GNL2: variants seen among roughly 807,000 people sequenced by gnomAD.
GNL2 encodes the protein G protein nucleolar 2, also known as nucleolar GTP-binding protein 2.
Under a neutral mutation model 92.3 loss-of-function variants are expected in GNL2, and 51 were observed. The observed-to-expected ratio is 0.55, with a 90% confidence interval of 0.44 to 0.70. The LOEUF (loss-of-function observed/expected upper bound fraction) is 0.70, where lower values mean the gene tolerates loss of function less well. Ranked by LOEUF, GNL2 falls within the 30% of genes least tolerant of loss-of-function variation. GNL2 has a pLI of 0.00. For synonymous variants in GNL2, 283 were observed against 300.6 expected (o/e 0.94, Z 0.61); for missense variants, 844 against 895.6 (o/e 0.94, Z 0.74).
In GNL2 at chr1:37,575,622, G is replaced by C. The variant is rs115369848; in HGVS notation, c.1116C>G (p.Ser372=). Residue 372 remains serine, a synonymous_variant, in exon 10 of 16, where the codon TCC becomes TCG. Coordinates refer to ENST00000373062, the MANE Select transcript of GNL2 (RefSeq NM_013285.3). The surrounding 1 kb of genome is among the most constrained non-coding windows in gnomAD (Gnocchi z 4.1). The part of the protein sequence containing the change: ...CPGVVYPSED[S]ETDIVLKGVV... The stretch of plus-strand genomic sequence containing the variant: ...CTCCTTTTAGCACAATGTCTGTCTC[G>C]GAGTCCTCAGAGGGGTAAACCACAC... 6.3e-7 allele frequency: 1 copy of C among 1,591,264 alleles called. No individual in the cohort carries two copies. The highest frequency in any genetic ancestry group is 1.1e-5 in the South Asian group (1 of 87,450).
chr1:37,581,586 CAAAGGCTGAGCAAGAAAACACTT>C, intron 8 of GNL2: 1 of 451,836 alleles, frequency 2.2e-6, no homozygotes, highest in South Asian at 1.6e-5. Context: ...CGGATGGGGG[CAAAGGCTGAGCAAGAAAACACTT>C]CAGAATCTCT....
rs760375299 is a variant in GNL2 at position 37,568,945 on chromosome 1, C to G, written c.1774G>C (p.Asp592His). 6.2e-7 allele frequency: 1 copy of G among 1,614,082 alleles called. No homozygotes were observed. Among genetic ancestry groups the G allele is most frequent in the Admixed American group, 1.7e-5 (1 of 60,014 alleles). Residue 592 changes from aspartate to histidine, a missense_variant, in exon 13 of 16, where the codon GAC (aspartate) becomes CAC (histidine). Asp to His is a moderately conservative substitution (Grantham distance 81). Coordinates refer to ENST00000373062, the MANE Select transcript of GNL2 (RefSeq NM_013285.3). ...SEPEEENVGNDTKAVIKALDE... is the reference protein window; with the variant it reads ...SEPEEENVGNHTKAVIKALDE... ...AGTGCTTTAATAACGGCTTTGGTGT[C>G]GTTTCCCACATTTTCCTCCTCAGGC...
intron 4 of GNL2, 82 bp from the exon 5 acceptor site, chr1:37,587,577 CT>C: frequency 1.2e-6 from 1 of 858,522 alleles, no homozygotes; most frequent in South Asian, 1.8e-5. Context: ...CTAGGAAAGA[CT>C]TTCTGATTTT....
intron 4 of GNL2, 27 bp downstream of exon 4, chr1:37,590,679 C>T: frequency 1.3e-6 from 2 of 1,596,964 alleles, no homozygotes; most frequent in Non-Finnish European, 1.7e-6. Context: ...CAGGAAATTC[C>T]ATCACCAGGG....
rs372355590 is a variant in GNL2, at chr1:37,567,847, CAGG to C, written c.1952-86_1952-84del. ...AACGGTGGGAACAAGCTTGATGTAT[CAGG>C]AGGAGGACACCCAATGTGGACAGAG... On this transcript the variant is annotated intron_variant, in intron 14 of 15. Transcript: ENST00000373062. The C allele has an allele frequency of 1.3e-5, 14 of 1,040,778 alleles. No individual in the cohort carries two copies. The African/African-American group carries it at 1.9e-4, about 14-fold the overall frequency. The allele number at this position is 1,040,778 out of a possible 1,614,324, so 64.5% of individuals were successfully genotyped here. A position where few individuals can be genotyped will look rare whatever the true frequency, so the allele number is the denominator to read the frequency against.
At chr1:37,574,186 C>T (rs994085903) in intron 12 of GNL2, among the ~76,000 whole-genome samples, 157 bp downstream of exon 12, 4 of 152,066 alleles carry the variant, frequency 2.6e-5, no homozygotes, top group Admixed American at 2.0e-4. Flanking sequence ...CCACCCATGC[C>T]CGGCCCCAAA....
At chr1:37,568,015 C>G (rs1643534607) in intron 14 of GNL2, 1 of 591,078 alleles carries the variant, frequency 1.7e-6, no homozygotes, top group Non-Finnish European at 3.0e-6. Flanking sequence ...CCCTCTTTGT[C>G]TGTGGACCCA....
intron 15 of GNL2, 144 bp downstream of exon 15, chr1:37,567,529 C>A: frequency 1.5e-6 from 1 of 666,864 alleles, no homozygotes. Context: ...TGGGCCAGAC[C>A]CGACCCTATT....
At chr1:37,573,623 GT>G (rs1557638225) in intron 12 of GNL2, among the ~76,000 whole-genome samples, 1 of 152,210 alleles carries the variant, frequency 6.6e-6, no homozygotes, top group African/African-American at 2.4e-5. Context: ...GCTAATAAAT[GT>G]TTGTTAAACA....
At position 37,585,031 on chromosome 1, in the gene GNL2, G is replaced by C. The variant is rs573539481; in HGVS notation, c.570-1098C>G. On this transcript the variant is annotated intron_variant, in intron 5 of 15. Coordinates refer to ENST00000373062, the MANE Select transcript of GNL2 (RefSeq NM_013285.3). The stretch of plus-strand genomic sequence containing the variant: ...CGGGAGGCAGAGATTGCAGTGAGCC[G>C]AGATCACATCAAATGGTTAGAAGAG... 4.6e-5 allele frequency among the ~76,000 whole-genome samples: 7 copies of C among 150,976 alleles called. No individual in the cohort carries two copies. In the South Asian group the frequency reaches 1.3e-3, roughly 27 times the overall value.
At chr1:37,585,712 G>A (rs773212815) in intron 5 of GNL2, among the ~76,000 whole-genome samples, 4 of 152,004 alleles carry the variant, frequency 2.6e-5, no homozygotes, top group Non-Finnish European at 4.4e-5. Context: ...TTTTTGCTTG[G>A]CCTCAAATGG....
At chr1:37,584,560 G>A (rs748930186) in intron 5 of GNL2, among the ~76,000 whole-genome samples, 1 of 151,606 alleles carries the variant, frequency 6.6e-6, no homozygotes, top group Non-Finnish European at 1.5e-5. Context: ...GACACAAAAG[G>A]ACAAATACTG....
intron 8 of GNL2, among the ~76,000 whole-genome samples, chr1:37,581,871 G>A (rs1643774313): frequency 6.6e-6 from 1 of 152,188 alleles, no homozygotes; most frequent in South Asian, 2.1e-4. Context: ...CACCATATTG[G>A]CCAGGCTGGT....
rs1039340509 is a variant in GNL2 at position 37,574,579 on chromosome 1, T to C, written c.1302+86A>G. ...TAAGTGACAAGTTTCACACTGCTCA[T>C]ACATGCATACCAAAAAAAGGCCCAT... On this transcript the variant is annotated intron_variant, in intron 11 of 15. Transcript: ENST00000373062. 9.3e-5 allele frequency: 130 copies of C among 1,403,678 alleles called. 1 individual carries two copies. Among genetic ancestry groups the C allele is most frequent in the Non-Finnish European group, 1.1e-4 (114 of 995,024 alleles). The allele number at this position is 1,403,678 out of a possible 1,614,324, so 87.0% of individuals were successfully genotyped here.
chr1:37,593,197 A>C (rs765103429), intron 2 of GNL2, among the ~76,000 whole-genome samples: 5 of 152,246 alleles, frequency 3.3e-5, no homozygotes, highest in Non-Finnish European at 7.3e-5. Context: ...CAAACTGCAA[A>C]GTAGATGACT....
rs1643661137 is a variant in GNL2 at position 37,575,313 on chromosome 1, C to A, written c.1143+282G>T. On this transcript the variant is annotated intron_variant, in intron 10 of 15. Transcript: ENST00000373062. The surrounding 1 kb of genome is among the most constrained non-coding windows in gnomAD (Gnocchi z 4.1). ...GACTCAACCCATAAACCCACGAAGA[C>A]GAATTATCGCTAAGCATAAACAGGC... Among the ~76,000 whole-genome samples, 1 of 152,174 alleles carries A rather than the reference C, an allele frequency of 6.6e-6. No individual in the cohort carries two copies. The highest frequency in any genetic ancestry group is 1.5e-5 in the Non-Finnish European group (1 of 68,038).
chr1:37,586,049 T>G (rs1454011363), intron 5 of GNL2, among the ~76,000 whole-genome samples: 1 of 152,208 alleles, frequency 6.6e-6, no homozygotes, highest in Non-Finnish European at 1.5e-5. Context: ...TGCTTCATCC[T>G]TGTGTTGTTC....
At chr1:37,570,869 C>T (rs934988991) in intron 12 of GNL2, 1 of 152,092 alleles carries the variant, frequency 6.6e-6, no homozygotes, top group Non-Finnish European at 1.5e-5. Flanking sequence ...TAGGTAACCG[C>T]AAAGATAAGT....
chr1:37,582,030 AG>A, intron 8 of GNL2, among the ~76,000 whole-genome samples, 192 bp downstream of exon 8: 1 of 152,022 alleles, frequency 6.6e-6, no homozygotes, highest in Middle Eastern at 3.4e-3. Context: ...GTGCCATCAT[AG>A]CTCACTGTAG....
Sources: gnomAD v4.1 joint callset for allele counts (sites outside exome capture counted in the v4.1 genomes callset) on GRCh38, gnomAD v4.1.1 for gene constraint, Gnocchi (gnomAD v3.1) non-coding constraint, MANE v1.5 for transcripts, NCBI Gene and HGNC (gene_info 2026-07-23, HGNC 2026-07-21) for gene names.